KYNU: variants seen among roughly 807,000 people sequenced by gnomAD.
The protein encoded by KYNU is L-kynurenine hydrolase.
A neutral mutation model predicts 59.2 loss-of-function variants in KYNU; 54 were observed. The observed-to-expected ratio is 0.91, with a 90% CI of 0.73 to 1.14. The LOEUF is 1.14. KYNU is among the 50% of genes most tolerant of loss of function. The pLI is 0.00. For missense variants in KYNU, 567 were observed against 554.4 expected (o/e 1.02, Z -0.23); for synonymous variants, 177 against 192.0 (o/e 0.92, Z 0.65).
intron 10 of KYNU, among the ~76,000 whole-genome samples, chr2:143,010,625 C>T (rs944653573): frequency 6.9e-6 from 1 of 144,876 alleles, no homozygotes; most frequent in African/African-American, 2.6e-5. Flanking sequence ...GCCAAAAGAA[C>T]AAAGCTGGAG....
At chr2:142,881,800 T>C (rs1376297335) in intron 1 of KYNU, among the ~76,000 whole-genome samples, 3 of 152,078 alleles carry the variant, frequency 2.0e-5, no homozygotes, top group African/African-American at 7.2e-5. Context: ...TGGAGTGCAG[T>C]GGCACAATTA....
chr2:142,989,541 T>C, intron 10 of KYNU: 1 of 960,668 alleles, frequency 1.0e-6, no homozygotes, highest in Non-Finnish European at 1.2e-6. Flanking sequence ...GAAATAACAT[T>C]TCTTCTCATG....
chr2:142,901,895 G>T (rs749536620), intron 2 of KYNU, among the ~76,000 whole-genome samples: 1 of 152,120 alleles, frequency 6.6e-6, no homozygotes, highest in Non-Finnish European at 1.5e-5. Context: ...CCTCTAGAAG[G>T]TCCCTCGAGT....
intron 4 of KYNU, among the ~76,000 whole-genome samples, chr2:142,939,603 A>C (rs1683513957): frequency 1.9e-5 from 1 of 53,086 alleles, no homozygotes; most frequent in Non-Finnish European, 3.4e-5. Context: ...TCCATCTCAC[A>C]AAAAAAAAAA....
At position 143,050,736 on chromosome 2, in the gene KYNU, A is replaced by T. The variant is rs1687251557; in HGVS notation, c.*8564A>T. 6.6e-6 allele frequency: 1 copy of T among 152,252 alleles called. No homozygotes were observed. Among genetic ancestry groups the T allele is most frequent in the African/African-American group, 2.4e-5 (1 of 41,468 alleles). 9.4% of individuals were successfully genotyped at this position (152,252 alleles called of 1,614,324 possible). A position where few individuals can be genotyped will look rare whatever the true frequency, so the allele number is the denominator to read the frequency against. The stretch of plus-strand genomic sequence containing the variant: ...AAATAAACTTTTCTACAGCTATTTT[A>T]TGCTCAATAACTTTCTACTTATTCT... On this transcript the variant is annotated 3_prime_UTR_variant, in exon 14 of 14. Coordinates refer to ENST00000264170, the MANE Select transcript of KYNU (RefSeq NM_003937.3).
chr2:143,006,634 C>G (rs1309305341), intron 10 of KYNU, among the ~76,000 whole-genome samples: 1 of 148,034 alleles, frequency 6.8e-6, no homozygotes, highest in Non-Finnish European at 1.5e-5. Flanking sequence ...CAGCAGTAAC[C>G]TCTGCAGACT....
rs551595043 is a variant in KYNU at position 143,055,441 on chromosome 2, C to G, written c.*13269C>G. On this transcript the variant is annotated 3_prime_UTR_variant, in exon 14 of 14. Coordinates refer to ENST00000264170, the MANE Select transcript of KYNU (RefSeq NM_003937.3). ...ACTATTCCTTTTCTTCTGTCTTCCA[C>G]TTTTAAGAGCCTTTTTGAGTCTATT... is the stretch of plus-strand genomic sequence containing the variant. 2.0e-5 allele frequency: 3 copies of G among 152,328 alleles called. No individual in the cohort carries two copies. Among genetic ancestry groups the G allele is most frequent in the East Asian group, 3.9e-4 (2 of 5,184 alleles). 9.4% of individuals were successfully genotyped at this position (152,328 alleles called of 1,614,324 possible).
chr2:142,960,698 G>C lies in KYNU; in HGVS notation c.657G>C (p.Leu219=), dbSNP rs1684314034. 1.6e-5 allele frequency: 26 copies of C among 1,613,826 alleles called. No homozygotes were observed. Among genetic ancestry groups the C allele is most frequent in the Non-Finnish European group, 2.1e-5 (25 of 1,179,846 alleles). ...AAGGAGACTCAATTGCAGTGATCCTGTTCAGTGGGGTGCATTTTTACACTG... is the reference window on the plus strand; with the variant it reads ...AAGGAGACTCAATTGCAGTGATCCTCTTCAGTGGGGTGCATTTTTACACTG... ...EKEGDSIAVI[L]FSGVHFYTGQ... Residue 219 remains leucine (L), a synonymous_variant, in exon 8 of 14, where the codon CTG becomes CTC. Transcript: ENST00000264170.
rs542612122 is a variant in KYNU at position 143,049,823 on chromosome 2, T to A, written c.*7651T>A. On this transcript the variant is annotated 3_prime_UTR_variant, in exon 14 of 14. Transcript: ENST00000264170. ...ATGATGCCTTGTTTCCTTTGTAGTT[T>A]TGTGATTGATAGCTTCGAACTGCTC... 6.6e-6 allele frequency: 1 copy of A among 152,182 alleles called. No individual in the cohort carries two copies. Among genetic ancestry groups the A allele is most frequent in the East Asian group, 1.9e-4 (1 of 5,202 alleles). The allele number at this position is 152,182 out of a possible 1,614,324, so 9.4% of individuals were successfully genotyped here.
At chr2:143,031,960 G>C (rs1368100677) in intron 11 of KYNU, among the ~76,000 whole-genome samples, 1 of 152,058 alleles carries the variant, frequency 6.6e-6, no homozygotes, top group Non-Finnish European at 1.5e-5. Flanking sequence ...GAGAGAGAGA[G>C]AGAAAGAGAG....
intron 12 of KYNU, among the ~76,000 whole-genome samples, chr2:143,035,016 C>T (rs1179732633): frequency 6.6e-6 from 1 of 152,186 alleles, no homozygotes; most frequent in African/African-American, 2.4e-5. Flanking sequence ...GGAAAGGAAG[C>T]ACATTCCTAT....
intron 6 of KYNU, among the ~76,000 whole-genome samples, chr2:142,956,702 G>T (rs577220499): frequency 6.6e-6 from 1 of 152,018 alleles, no homozygotes; most frequent in East Asian, 1.9e-4. Flanking sequence ...ATAAATGTTG[G>T]CCCATTATTA....
intron 10 of KYNU, among the ~76,000 whole-genome samples, chr2:143,012,490 C>CAAA (rs1255670962): frequency 1.3e-5 from 1 of 79,928 alleles, no homozygotes; most frequent in Non-Finnish European, 2.8e-5. Context: ...CTCCAAAAAA[C>CAAA]AAAAAAAAAA....
At chr2:142,940,484 T>C (rs1370244504) in intron 4 of KYNU, among the ~76,000 whole-genome samples, 3 of 152,214 alleles carry the variant, frequency 2.0e-5, no homozygotes, top group African/African-American at 7.2e-5. Flanking sequence ...TTGCAACTTA[T>C]TAAATGTCCA....
Position 143,047,985 on chromosome 2 carries a change from C to T in KYNU, c.*5813C>T, listed in dbSNP as rs1290262695. 1 of 147,562 alleles carries T rather than the reference C, an allele frequency of 6.8e-6. No individual in the cohort carries two copies. Among genetic ancestry groups the T allele is most frequent in the African/African-American group, 2.5e-5 (1 of 40,148 alleles). The allele number at this position is 147,562 out of a possible 1,614,324, so 9.1% of individuals were successfully genotyped here. On this transcript the variant is annotated 3_prime_UTR_variant, in exon 14 of 14. Coordinates refer to ENST00000264170, the MANE Select transcript of KYNU (RefSeq NM_003937.3). Reference sequence around the variant, plus strand: ...TCAGCCTCCCAAGTAGCTGGGATTACAGGCATGGGCCACTATGCCCAGCTA... The same window carrying T: ...TCAGCCTCCCAAGTAGCTGGGATTATAGGCATGGGCCACTATGCCCAGCTA...
chr2:143,032,211 G>C (rs1170466937), intron 11 of KYNU, among the ~76,000 whole-genome samples: 5 of 151,882 alleles, frequency 3.3e-5, no homozygotes, highest in African/African-American at 9.7e-5. Context: ...CCGTGAGGCG[G>C]AGGTTTCAGT....
At chr2:143,026,162 T>A (rs1246451707) in intron 10 of KYNU, among the ~76,000 whole-genome samples, 1 of 152,224 alleles carries the variant, frequency 6.6e-6, no homozygotes, top group African/African-American at 2.4e-5. Flanking sequence ...GCATACATGT[T>A]ATTGTTTTAA....
At chr2:142,931,834 T>C (rs1280124747) in intron 4 of KYNU, among the ~76,000 whole-genome samples, 2 of 152,110 alleles carry the variant, frequency 1.3e-5, no homozygotes, top group East Asian at 3.9e-4. Flanking sequence ...ACACCTTGAA[T>C]AATTTGGCTG....
rs77651659 is a variant in KYNU at position 142,891,812 on chromosome 2, C to G, written c.169+6276C>G. On this transcript the variant is annotated intron_variant, in intron 2 of 13. Transcript: ENST00000264170. ...AAGATTTTATCCAGCTATAAAAGGA[C>G]ATGTATTTATAACTGTAATTTTGAT... Among the ~76,000 whole-genome samples the G allele has an allele frequency of 1.6e-3, 246 of 152,180 alleles. 3 individuals are homozygous for G. In the East Asian group the frequency reaches 0.044, roughly 27 times the overall value.
Sources: gnomAD v4.1 joint callset for allele counts (sites outside exome capture counted in the v4.1 genomes callset) on GRCh38, gnomAD v4.1.1 for gene constraint, MANE v1.5 for transcripts, NCBI Gene and HGNC (gene_info 2026-07-23, HGNC 2026-07-21) for gene names.